Variants in TBC1D30 observed in about 807,000 individuals in gnomAD.
TBC1D30 encodes the protein TBC1 domain family, member 30.
TBC1D30 carries 31 observed loss-of-function variants against 63.2 expected under a neutral mutation model. The observed-to-expected ratio is 0.49, with a 90% CI of 0.37 to 0.66. TBC1D30 has a LOEUF of 0.66. Ranked by LOEUF, TBC1D30 falls within the 30% of genes least tolerant of loss-of-function variation. TBC1D30 has a pLI of 0.00. For synonymous variants in TBC1D30, 307 were observed against 361.5 expected (o/e 0.85, Z 1.71); for missense variants, 810 against 953.6 (o/e 0.85, Z 1.98).
intron 1 of TBC1D30, among the ~76,000 whole-genome samples, chr12:64,762,414 A>G (rs546042611): frequency 6.6e-6 from 1 of 152,344 alleles, no homozygotes; most frequent in East Asian, 1.9e-4. Context: ...GAAGAGGACA[A>G]GCATGGGTGA....
Position 64,875,297 on chromosome 12 carries a change from A to G in TBC1D30, c.1795A>G (p.Ser599Gly), listed in dbSNP as rs1405413420. The G allele has an allele frequency of 5.9e-6, 9 of 1,536,316 alleles. No homozygotes were observed. Among genetic ancestry groups the G allele is most frequent in the Non-Finnish European group, 7.0e-6 (8 of 1,146,924 alleles). ...GCTGATAGATGAGCAGAACGAGGCC[A>G]GCAAGACCAATGGGCTGGGGGCAGC... ...VGLIDEQNEA[S>G]KTNGLGAAEA... is the part of the protein sequence containing the mutation. The change falls in exon 12 of 12, where the codon AGC becomes GGC. Residue 599 changes from serine (S) to glycine (G), a missense_variant. Around this residue, in one of 4 missense-constraint regions of TBC1D30, gnomAD observed 450 missense variants for 473.0 expected, o/e 0.95. Coordinates refer to ENST00000539867, the MANE Select transcript of TBC1D30 (RefSeq NM_015279.2).
At chr12:64,835,630 G>C (rs901162684) in intron 5 of TBC1D30, among the ~76,000 whole-genome samples, 6 of 152,156 alleles carry the variant, frequency 3.9e-5, no homozygotes, top group African/African-American at 1.4e-4. Context: ...GCTCTTCAGA[G>C]AACTGCAAAC....
Position 64,843,434 on chromosome 12 carries a change from T to C in TBC1D30, c.987T>C (p.Leu329=). Residue 329 remains leucine, a synonymous_variant, in exon 8 of 12, where the codon CTT becomes CTC. Coordinates refer to ENST00000539867, the MANE Select transcript of TBC1D30 (RefSeq NM_015279.2). ...AATTCTACAGCACCATGGGGCGCCT[T>C]ACCCAGGAGATGCTAGAGAATGATC... is the stretch of plus-strand genomic sequence containing the variant. ...ADEFYSTMGR[L]TQEMLENDLL... 6.5e-7 allele frequency: 1 copy of C among 1,536,238 alleles called. No individual in the cohort carries two copies. Among genetic ancestry groups the C allele is most frequent in the Non-Finnish European group, 8.7e-7 (1 of 1,146,920 alleles).
At chr12:64,813,531 C>T (rs550179831) in intron 2 of TBC1D30, among the ~76,000 whole-genome samples, 2 of 152,294 alleles carry the variant, frequency 1.3e-5, no homozygotes, top group African/African-American at 4.8e-5. Context: ...AGGTTTCAAA[C>T]CCAGGCAGCT....
At chr12:64,837,021 A>G (rs1359598639) in intron 6 of TBC1D30, among the ~76,000 whole-genome samples, 1 of 152,210 alleles carries the variant, frequency 6.6e-6, no homozygotes, top group Non-Finnish European at 1.5e-5. Flanking sequence ...ACAATTTAGT[A>G]CAAACTGGTT....
chr12:64,827,577 G>A (rs1483116157), intron 1 of TBC1D30, among the ~76,000 whole-genome samples: 2 of 152,070 alleles, frequency 1.3e-5, no homozygotes, highest in African/African-American at 4.8e-5. Context: ...TTTTGTTTTT[G>A]TTTTTGCTTT....
At chr12:64,771,209 C>T (rs1205793026) in intron 1 of TBC1D30, among the ~76,000 whole-genome samples, 1 of 151,668 alleles carries the variant, frequency 6.6e-6, no homozygotes, top group Admixed American at 6.6e-5. Context: ...TAAGGTATTC[C>T]GTGTGTAAGA....
At chr12:64,827,726 C>G (rs1032031973) in intron 1 of TBC1D30, 109 bp from the exon 2 acceptor site, 18 of 814,308 alleles carry the variant, frequency 2.2e-5, no homozygotes, top group Non-Finnish European at 3.4e-5. Flanking sequence ...AAGATACATA[C>G]TTTAAAAAAA....
chr12:64,870,589 CCTT>C lies in TBC1D30; in HGVS notation c.1292-11_1292-9del. 1 of 1,535,466 alleles carries C rather than the reference CCTT, an allele frequency of 6.5e-7. No homozygotes were observed. Among genetic ancestry groups the C allele is most frequent in the Non-Finnish European group, 8.7e-7 (1 of 1,146,302 alleles). Reference sequence around the variant, plus strand: ...CACCGACCATCTCCTTATGTCTCATCCTTCGAGCGCAGAGCCAAATGAGGAGCA... The same window carrying C: ...CACCGACCATCTCCTTATGTCTCATCCGAGCGCAGAGCCAAATGAGGAGCA... On this transcript the variant is annotated splice_polypyrimidine_tract_variant and intron_variant, in intron 10 of 11. Coordinates refer to ENST00000539867, the MANE Select transcript of TBC1D30 (RefSeq NM_015279.2).
At chr12:64,782,569 A>G (rs1373674733) in intron 1 of TBC1D30, among the ~76,000 whole-genome samples, 1 of 152,184 alleles carries the variant, frequency 6.6e-6, no homozygotes, top group Admixed American at 6.5e-5. Context: ...AACAGAATCA[A>G]TTTTGAAGAA....
At chr12:64,799,064 C>T (rs569222333) in intron 2 of TBC1D30, among the ~76,000 whole-genome samples, 53 of 152,126 alleles carry the variant, frequency 3.5e-4, no homozygotes, top group African/African-American at 1.7e-4. Context: ...CTGCCCGCCT[C>T]GGCCTCCCAA....
At chr12:64,866,167 C>T (rs937570929) in intron 9 of TBC1D30, among the ~76,000 whole-genome samples, 4 of 151,960 alleles carry the variant, frequency 2.6e-5, no homozygotes, top group East Asian at 1.9e-4. Context: ...GTGCCCAGCC[C>T]GTAAAGATTT....
At chr12:64,815,924 C>T (rs930504138) in intron 2 of TBC1D30, among the ~76,000 whole-genome samples, 1 of 151,894 alleles carries the variant, frequency 6.6e-6, no homozygotes, top group Non-Finnish European at 1.5e-5. Context: ...TAGCCATGTA[C>T]CACCATGCCT....
chr12:64,878,266 C>T lies in TBC1D30; in HGVS notation c.*2478C>T, dbSNP rs1429866302. 6.0e-6 allele frequency: 2 copies of T among 331,538 alleles called. No individual in the cohort carries two copies. The highest frequency in any genetic ancestry group is 1.2e-5 in the Non-Finnish European group (2 of 166,586). 20.5% of individuals were successfully genotyped at this position (331,538 alleles called of 1,614,324 possible). A position where few individuals can be genotyped will look rare whatever the true frequency, so the allele number is the denominator to read the frequency against. On this transcript the variant is annotated 3_prime_UTR_variant, in exon 12 of 12. Transcript: ENST00000539867. ...TTGGTCAATTTATGAGCCTTGCCTACTTTAGAAAATAAAGAAACCTGCAGT... is the reference window on the plus strand; with the variant it reads ...TTGGTCAATTTATGAGCCTTGCCTATTTTAGAAAATAAAGAAACCTGCAGT...
chr12:64,773,498 T>G (rs1389455685), intron 1 of TBC1D30, among the ~76,000 whole-genome samples: 1 of 152,222 alleles, frequency 6.6e-6, no homozygotes, highest in Non-Finnish European at 1.5e-5. Context: ...CCAGACTGCT[T>G]CTTTAAGTGG....
intron 1 of TBC1D30, among the ~76,000 whole-genome samples, chr12:64,775,437 T>C (rs1160315470): frequency 2.0e-5 from 3 of 151,758 alleles, no homozygotes. Flanking sequence ...TGGAGGAAAA[T>C]TTACAAAGCA....
At chr12:64,814,414 T>C (rs1310640149) in intron 2 of TBC1D30, among the ~76,000 whole-genome samples, 1 of 151,944 alleles carries the variant, frequency 6.6e-6, no homozygotes. Flanking sequence ...GTGCCATAGA[T>C]AAAATTTAAA....
intron 2 of TBC1D30, among the ~76,000 whole-genome samples, chr12:64,793,818 A>G (rs957550329): frequency 2.0e-5 from 3 of 151,668 alleles, no homozygotes. Flanking sequence ...ACGCTGCTCC[A>G]CTCCCTACTG....
chr12:64,771,242 T>C (rs890729589), intron 1 of TBC1D30, among the ~76,000 whole-genome samples: 3 of 151,610 alleles, frequency 2.0e-5, no homozygotes, highest in Non-Finnish European at 4.4e-5. Flanking sequence ...CAAACCCCAA[T>C]AGGAGGATCA....
Sources: gnomAD v4.1 joint callset for allele counts (sites outside exome capture counted in the v4.1 genomes callset) on GRCh38, gnomAD v4.1.1 for gene constraint, gnomAD v4.1.1 regional missense constraint, MANE v1.5 for transcripts, NCBI Gene and HGNC (gene_info 2026-07-23, HGNC 2026-07-21) for gene names.